Variants in MAPKAPK5 observed in about 807,000 individuals in gnomAD.
MAPKAPK5 encodes MAPK activated protein kinase 5, also known as MAP kinase-activated protein kinase 5.
In MAPKAPK5, 30 loss-of-function variants were observed where a neutral mutation model predicts 65.1. The ratio of observed to expected loss-of-function variants is 0.46; its 90% CI spans 0.34 to 0.63. The LOEUF (loss-of-function observed/expected upper bound fraction) is 0.63. MAPKAPK5 is among the 20% of genes least tolerant of loss of function. The probability of loss-of-function intolerance (pLI) is 0.01; values close to 1 mark genes in which losing one functional copy is unlikely to be tolerated. For missense variants in MAPKAPK5, 433 were observed against 581.4 expected (o/e 0.74, Z 2.63); for synonymous variants, 179 against 204.6 (o/e 0.87, Z 1.07).
At position 111,901,165 on chromosome 12, in the gene MAPKAPK5, G is replaced by C. The variant is rs1342276049; in HGVS notation, c.*8104G>C. The C allele has an allele frequency of 2.2e-6, 1 of 455,652 alleles. No individual in the cohort carries two copies. Among genetic ancestry groups the C allele is most frequent in the African/African-American group, 2.0e-5 (1 of 49,904 alleles). 28.2% of individuals were successfully genotyped at this position (455,652 alleles called of 1,614,324 possible). A position where few individuals can be genotyped will look rare whatever the true frequency, so the allele number is the denominator to read the frequency against. ...ATGAGTACTGACATTCCTGATGAAG[G>C]AGATGTGCACAATGGCACTTACTGT... On this transcript the variant is annotated 3_prime_UTR_variant, in exon 14 of 14. Transcript: ENST00000550735.
rs536306564 is a variant in MAPKAPK5, at chr12:111,898,418, C to T, written c.*5357C>T. On this transcript the variant is annotated 3_prime_UTR_variant, in exon 14 of 14. Transcript: ENST00000550735. The stretch of plus-strand genomic sequence containing the variant: ...TCCCGACCTCAGGTGATCCGCCTGC[C>T]TCGGCCTCCCAAAGTGCTGGGATTA... The T allele has an allele frequency of 2.0e-5, 3 of 152,306 alleles. No homozygotes were observed. The East Asian group carries it at 5.8e-4, about 29-fold the overall frequency. 9.4% of individuals were successfully genotyped at this position (152,306 alleles called of 1,614,324 possible).
chr12:111,862,196 G>A (rs1162801352), intron 1 of MAPKAPK5, among the ~76,000 whole-genome samples: 1 of 152,168 alleles, frequency 6.6e-6, no homozygotes, highest in Non-Finnish European at 1.5e-5. Context: ...GCCTTAGCTG[G>A]CTAGTGTTTA....
Position 111,868,847 on chromosome 12 carries a change from C to A in MAPKAPK5, c.379C>A (p.Gln127Lys), listed in dbSNP as rs761463408. The A allele has an allele frequency of 1.3e-5, 21 of 1,559,766 alleles. No homozygotes were observed. The South Asian group carries it at 2.4e-4, about 18-fold the overall frequency. Reference protein sequence around the residue: ...HRHFTEKQASQVTKQIALALR... With the variant: ...HRHFTEKQASKVTKQIALALR... The stretch of plus-strand genomic sequence containing the variant: ...GCACTTTACAGAGAAGCAAGCCAGC[C>A]AAGTAACAAAGCAGGCAAGTTAACC... The change falls in exon 5 of 14, where the codon CAA (glutamine) becomes AAA (lysine). Residue 127 changes from glutamine (Q) to lysine (K), a missense_variant. Physicochemically the swap from Gln to Lys is moderately conservative, Grantham distance 53. This residue lies in a region of MAPKAPK5 where 165 missense variants were observed against 180.0 expected (regional missense o/e 0.92). Coordinates refer to ENST00000550735, the MANE Select transcript of MAPKAPK5 (RefSeq NM_003668.4).
chr12:111,859,652 CT>C lies in MAPKAPK5; in HGVS notation c.37-5584del, dbSNP rs758102057. ...TTTTTCTTTTCTTTTCTTTGCTTTT[CT>C]TTTTTTTTTTTTTGAGACTGAGTTT... On this transcript the variant is annotated intron_variant, in intron 1 of 13. Transcript: ENST00000550735. Among the ~76,000 whole-genome samples, 856 of 106,056 alleles carry C rather than the reference CT, an allele frequency of 8.1e-3. 10 individuals are homozygous for C. The highest frequency in any genetic ancestry group is 0.021 in the African/African-American group (568 of 26,508). 69.6% of individuals were successfully genotyped at this position (106,056 alleles called of 152,430 possible).
At chr12:111,890,798 C>T (rs551292472) in intron 13 of MAPKAPK5, among the ~76,000 whole-genome samples, 1 of 152,316 alleles carries the variant, frequency 6.6e-6, no homozygotes, top group Admixed American at 6.5e-5. Flanking sequence ...GCTGGGACTA[C>T]AGGCAAGTGC....
At chr12:111,857,704 T>G (rs1317823598) in intron 1 of MAPKAPK5, among the ~76,000 whole-genome samples, 1 of 152,216 alleles carries the variant, frequency 6.6e-6, no homozygotes, top group Non-Finnish European at 1.5e-5. Context: ...GAGGGATAGT[T>G]TTGTTCAATA....
At chr12:111,884,191 C>T (rs1454467399) in intron 9 of MAPKAPK5, among the ~76,000 whole-genome samples, 1 of 152,054 alleles carries the variant, frequency 6.6e-6, no homozygotes, top group Non-Finnish European at 1.5e-5. Context: ...CAGGCCTGGA[C>T]CCCACCCTCC....
chr12:111,877,195 T>G (rs1249808842), intron 7 of MAPKAPK5, among the ~76,000 whole-genome samples: 3 of 100,754 alleles, frequency 3.0e-5, no homozygotes, highest in African/African-American at 8.7e-5. Context: ...TTTTTTGTAT[T>G]TTTAGTAGAG....
chr12:111,857,233 T>C (rs2069271569), intron 1 of MAPKAPK5, among the ~76,000 whole-genome samples: 1 of 151,772 alleles, frequency 6.6e-6, no homozygotes, highest in Non-Finnish European at 1.5e-5. Flanking sequence ...TGGATCCAAG[T>C]TTTCTTTTTT....
chr12:111,845,453 G>GC (rs2068877007), intron 1 of MAPKAPK5, among the ~76,000 whole-genome samples: 1 of 152,100 alleles, frequency 6.6e-6, no homozygotes, highest in Non-Finnish European at 1.5e-5. Context: ...ACCACGCCCA[G>GC]CCCAGCGTTT....
intron 12 of MAPKAPK5, 70 bp from the exon 13 acceptor site, chr12:111,889,970 T>C: frequency 1.1e-6 from 1 of 942,978 alleles, no homozygotes; most frequent in Non-Finnish European, 1.7e-6. Flanking sequence ...ATCACGTCCC[T>C]CCATCTCTCA....
intron 12 of MAPKAPK5, chr12:111,889,768 TAG>T: frequency 5.9e-6 from 2 of 338,202 alleles, no homozygotes; most frequent in East Asian, 1.2e-4. Context: ...TGTTCAGCAA[TAG>T]AGTCTGCCAC....
intron 1 of MAPKAPK5, among the ~76,000 whole-genome samples, chr12:111,852,388 G>T (rs2069112017): frequency 1.3e-5 from 2 of 152,078 alleles, no homozygotes; most frequent in Admixed American, 6.6e-5. Context: ...CTGAAGATGG[G>T]TGAAGACCTT....
intron 1 of MAPKAPK5, among the ~76,000 whole-genome samples, chr12:111,860,576 T>A (rs1467412447): frequency 1.3e-5 from 2 of 152,194 alleles, no homozygotes; most frequent in Admixed American, 6.5e-5. Context: ...GCAGAACTGC[T>A]GATTTTCATA....
At chr12:111,866,095 T>C (rs1229218328) in intron 2 of MAPKAPK5, 61 bp from the exon 3 acceptor site, 2 of 1,317,342 alleles carry the variant, frequency 1.5e-6, no homozygotes, top group Admixed American at 2.3e-5. Flanking sequence ...AAAAAGCTTG[T>C]TAAATTAATT....
Position 111,897,373 on chromosome 12 carries a change from T to C in MAPKAPK5, c.*4312T>C, listed in dbSNP as rs2070859509. 2 of 152,234 alleles carry C rather than the reference T, an allele frequency of 1.3e-5. No homozygotes were observed. The highest frequency in any genetic ancestry group is 2.9e-5 in the Non-Finnish European group (2 of 68,040). 9.4% of individuals were successfully genotyped at this position (152,234 alleles called of 1,614,324 possible). ...CAAAAGATTTAAATAAGGTCTTGTG[T>C]GTGGGTATGTGTATGTGCATGTATT... On this transcript the variant is annotated 3_prime_UTR_variant, in exon 14 of 14. Transcript: ENST00000550735.
chr12:111,880,517 C>T lies in MAPKAPK5; in HGVS notation c.650C>T (p.Thr217Ile). Reference sequence around the variant, plus strand: ...ATACCTACCTCACCGACGCCCTACACTTACAACAAGGTACAGGAAGAGATA... The same window carrying T: ...ATACCTACCTCACCGACGCCCTACATTTACAACAAGGTACAGGAAGAGATA... ...GIIPTSPTPY[T>I]YNKSCDLWSL... Residue 217 changes from threonine (T) to isoleucine (I), a missense_variant, in exon 8 of 14, where the codon ACT (threonine) becomes ATT (isoleucine). This residue lies in a region of MAPKAPK5 where 99 missense variants were observed against 185.8 expected (regional missense o/e 0.53). Transcript: ENST00000550735. 6.2e-7 allele frequency: 1 copy of T among 1,613,798 alleles called. No individual in the cohort carries two copies. Among genetic ancestry groups the T allele is most frequent in the Non-Finnish European group, 8.5e-7 (1 of 1,179,758 alleles).
intron 7 of MAPKAPK5, among the ~76,000 whole-genome samples, chr12:111,876,878 G>A (rs777382851): frequency 2.7e-5 from 4 of 149,784 alleles, no homozygotes; most frequent in Non-Finnish European, 5.9e-5. Context: ...GTTTTCCATA[G>A]TGGTCATACT....
chr12:111,847,531 C>G (rs977913770), intron 1 of MAPKAPK5, among the ~76,000 whole-genome samples: 3 of 151,842 alleles, frequency 2.0e-5, no homozygotes, highest in Non-Finnish European at 4.4e-5. Flanking sequence ...ATATTGTTTT[C>G]TATTATGTAT....
Sources: allele counts gnomAD v4.1 joint callset (sites outside exome capture counted in the v4.1 genomes callset), GRCh38; gene constraint gnomAD v4.1.1; regional missense constraint gnomAD v4.1.1; transcripts MANE v1.5; gene names NCBI Gene and HGNC (gene_info 2026-07-23, HGNC 2026-07-21).